Variants in SS18 observed in about 807,000 individuals in gnomAD.
SS18 encodes protein SSXT.
Under a neutral mutation model 72.5 loss-of-function variants are expected in SS18, and 28 were observed. The ratio of observed to expected loss-of-function variants is 0.39; its 90% CI spans 0.29 to 0.53. SS18 has a LOEUF of 0.53. SS18 is among the 20% of genes least tolerant of loss of function. SS18 has a pLI of 0.76. For missense variants in SS18, 518 were observed against 535.3 expected, an observed-to-expected ratio of 0.97 and a Z score of 0.32; for synonymous variants, 172 against 164.2, an observed-to-expected ratio of 1.05 and a Z score of -0.37.
intron 3 of SS18, among the ~76,000 whole-genome samples, chr18:26,071,002 T>C (rs149164428): frequency 2.6e-5 from 4 of 152,194 alleles, no homozygotes; most frequent in South Asian, 4.1e-4. Context: ...ACTCAAGGGA[T>C]AGGTATAACA....
chr18:26,078,824 T>C (rs918347398), intron 2 of SS18, among the ~76,000 whole-genome samples: 1 of 152,152 alleles, frequency 6.6e-6, no homozygotes, highest in Non-Finnish European at 1.5e-5. Context: ...GAGGCAAAGG[T>C]TGCAGTGAGC....
intron 5 of SS18, among the ~76,000 whole-genome samples, chr18:26,047,337 GTTTC>G (rs1022629501): frequency 2.7e-5 from 4 of 149,068 alleles, no homozygotes; most frequent in African/African-American, 9.9e-5. Context: ...AATCAAATCA[GTTTC>G]TTTAATAAAA....
At position 26,050,191 on chromosome 18, in the gene SS18, C is replaced by T. The variant is rs544100065; in HGVS notation, c.607+2433G>A. On this transcript the variant is annotated intron_variant, in intron 5 of 10. Transcript: ENST00000415083. ...CGGAAGCAGCAGTGAGCCGAGACTG[C>T]ACTTCTGCACTCCAGCCTGGGCGAC... Among the ~76,000 whole-genome samples, 4 of 151,358 alleles carry T rather than the reference C, an allele frequency of 2.6e-5. No homozygotes were observed. In the East Asian group the frequency reaches 7.8e-4, roughly 29 times the overall value.
intron 5 of SS18, among the ~76,000 whole-genome samples, chr18:26,051,314 A>G (rs553839822): frequency 2.0e-5 from 3 of 152,364 alleles, no homozygotes; most frequent in African/African-American, 7.2e-5. Flanking sequence ...TTTAAAAATA[A>G]AAGTTGGTCC....
intron 2 of SS18, among the ~76,000 whole-genome samples, chr18:26,080,750 T>C (rs2054503356): frequency 6.6e-6 from 1 of 152,184 alleles, no homozygotes; most frequent in Non-Finnish European, 1.5e-5. Context: ...ATTAGTATTT[T>C]ACCACATTTT....
At chr18:26,047,576 G>A (rs949799807) in intron 5 of SS18, among the ~76,000 whole-genome samples, 2 of 151,854 alleles carry the variant, frequency 1.3e-5, no homozygotes, top group Non-Finnish European at 2.9e-5. Flanking sequence ...GGTGGCTCAT[G>A]CCTGTCTGTA....
chr18:26,032,571 G>T (rs761293756), intron 9 of SS18, 39 bp from the exon 10 acceptor site: 1 of 1,607,786 alleles, frequency 6.2e-7, no homozygotes, highest in Non-Finnish European at 8.5e-7. Context: ...ACATAAAAAG[G>T]TAAGTCCCTA....
chr18:26,044,174 C>A (rs1221341030), intron 5 of SS18, among the ~76,000 whole-genome samples: 1 of 152,104 alleles, frequency 6.6e-6, no homozygotes, highest in Non-Finnish European at 1.5e-5. Context: ...TAATTAAACA[C>A]ATATTTTTTA....
At chr18:26,058,999 A>T (rs2054073583) in intron 3 of SS18, among the ~76,000 whole-genome samples, 1 of 152,188 alleles carries the variant, frequency 6.6e-6, no homozygotes, top group African/African-American at 2.4e-5. Flanking sequence ...TTCTGTCTGA[A>T]AACAGAAATC....
At chr18:26,028,427 T>C (rs1036736993) in intron 10 of SS18, among the ~76,000 whole-genome samples, 2 of 152,220 alleles carry the variant, frequency 1.3e-5, no homozygotes, top group Admixed American at 1.3e-4. Context: ...GAATTAAATA[T>C]ATACCTATCA....
chr18:26,048,442 G>C (rs539394232), intron 5 of SS18, among the ~76,000 whole-genome samples: 1 of 152,142 alleles, frequency 6.6e-6, no homozygotes, highest in African/African-American at 2.4e-5. Context: ...TACGAATAGC[G>C]GAGGTAAAGG....
intron 2 of SS18, chr18:26,080,215 A>C: frequency 1.2e-5 from 4 of 342,604 alleles, no homozygotes; most frequent in Non-Finnish European, 1.7e-5. Context: ...ATTATTCTGT[A>C]GAGATCTAGG....
At chr18:26,081,897 A>C (rs1220611894) in intron 2 of SS18, among the ~76,000 whole-genome samples, 6 of 152,018 alleles carry the variant, frequency 3.9e-5, no homozygotes, top group Non-Finnish European at 8.8e-5. Context: ...ATCCCTACGA[A>C]AAAGTGAAAA....
chr18:26,032,424 TG>T lies in SS18; in HGVS notation c.1204del (p.Gln402SerfsTer25). The T allele has an allele frequency of 6.2e-7, 1 of 1,613,892 alleles. No homozygotes were observed. Among genetic ancestry groups the T allele is most frequent in the Non-Finnish European group, 8.5e-7 (1 of 1,179,834 alleles). On this transcript the variant is annotated frameshift_variant, in exon 10 of 11. Coordinates refer to ENST00000415083, the MANE Select transcript of SS18 (RefSeq NM_001007559.3). LOFTEE classifies it high-confidence loss of function. ...CTGGTCATATCCATAAGGCCTCTGC[TG>T]GGGTGGCTGTGGTGGTCCAGGCTGT... ...PTQPGPPQPPQQRPYGYDQGQ... is the reference protein window; with the variant it reads ...PTQPGPPQPPXQRPYGYDQGQ...
chr18:26,044,551 T>C (rs1459090920), intron 5 of SS18, among the ~76,000 whole-genome samples: 1 of 151,962 alleles, frequency 6.6e-6, no homozygotes, highest in Non-Finnish European at 1.5e-5. Flanking sequence ...CTCAAACTCC[T>C]GACCTCAGGT....
At chr18:26,027,607 G>C (rs2053469263) in intron 10 of SS18, among the ~76,000 whole-genome samples, 1 of 148,666 alleles carries the variant, frequency 6.7e-6, no homozygotes, top group Non-Finnish European at 1.5e-5. Context: ...GGAAGGCGGT[G>C]GTTGCAGTGA....
chr18:26,038,971 A>G (rs1374147710), intron 6 of SS18, among the ~76,000 whole-genome samples: 1 of 152,096 alleles, frequency 6.6e-6, no homozygotes, highest in Non-Finnish European at 1.5e-5. Flanking sequence ...TAATTTTGAT[A>G]CTACAGTGCT....
chr18:26,039,098 G>C (rs951086155), intron 6 of SS18, among the ~76,000 whole-genome samples, 191 bp downstream of exon 6: 1 of 112,276 alleles, frequency 8.9e-6, no homozygotes, highest in Non-Finnish European at 1.7e-5. Flanking sequence ...ACTTATTCCA[G>C]AAAATAACAG....
chr18:26,085,865 T>C (rs1209981982), intron 2 of SS18: 1 of 152,118 alleles, frequency 6.6e-6, no homozygotes, highest in African/African-American at 2.4e-5. Context: ...ACCAATACAA[T>C]GTGAAAACCA....
Sources: allele counts gnomAD v4.1 joint callset (sites outside exome capture counted in the v4.1 genomes callset), GRCh38; gene constraint gnomAD v4.1.1; transcripts MANE v1.5; gene names NCBI Gene and HGNC (gene_info 2026-07-23, HGNC 2026-07-21).